ST3GAL3: variants seen among roughly 807,000 people sequenced by gnomAD.
ST3GAL3 encodes CMP-N-acetylneuraminate-beta-1,4-galactoside alpha-2,3-sialyltransferase.
A neutral mutation model predicts 50.1 loss-of-function variants in ST3GAL3; 21 were observed. The observed-to-expected ratio is 0.42, with a 90% CI of 0.30 to 0.60. The LOEUF (loss-of-function observed/expected upper bound fraction) is 0.60, where lower values mean the gene tolerates loss of function less well. Ranked by LOEUF, ST3GAL3 falls within the 20% of genes least tolerant of loss-of-function variation. ST3GAL3 has a pLI of 0.19. For missense variants in ST3GAL3, 353 were observed against 489.4 expected (o/e 0.72, Z 2.63); for synonymous variants, 183 against 190.0 (o/e 0.96, Z 0.30).
chr1:43,921,617 A>G, intron 11 of ST3GAL3: 2 of 399,226 alleles, frequency 5.0e-6, no homozygotes, highest in Non-Finnish European at 8.8e-6. Flanking sequence ...GGAACCTCCC[A>G]TCTGTGCAGA....
intron 5 of ST3GAL3, among the ~76,000 whole-genome samples, chr1:43,845,202 C>T (rs1399287115): frequency 6.6e-6 from 1 of 152,084 alleles, no homozygotes; most frequent in Non-Finnish European, 1.5e-5. Flanking sequence ...AGGCTGGTCT[C>T]GAACTCCTGG....
At chr1:43,920,019 G>T (rs2082751111) in intron 9 of ST3GAL3, 2 of 354,700 alleles carry the variant, frequency 5.6e-6, no homozygotes, top group Admixed American at 4.0e-5. Flanking sequence ...GAGAGGGCAG[G>T]CACCTCCCAG....
At chr1:43,754,497 A>G (rs1242914580) in intron 2 of ST3GAL3, among the ~76,000 whole-genome samples, 1 of 152,164 alleles carries the variant, frequency 6.6e-6, no homozygotes, top group Non-Finnish European at 1.5e-5. Flanking sequence ...AGCATCATGT[A>G]TAATAGGAAT....
At chr1:43,764,968 G>A (rs1218567212) in intron 2 of ST3GAL3, among the ~76,000 whole-genome samples, 1 of 152,184 alleles carries the variant, frequency 6.6e-6, no homozygotes, top group African/African-American at 2.4e-5. Context: ...AGACAGAATT[G>A]CTTTGAAGCA....
At chr1:43,858,990 T>G (rs151138722) in intron 5 of ST3GAL3, among the ~76,000 whole-genome samples, 31 of 152,312 alleles carry the variant, frequency 2.0e-4, no homozygotes, top group Admixed American at 1.8e-3. Context: ...GCCACGGCCC[T>G]ACTCAGGGAG....
At position 43,930,523 on chromosome 1, in the gene ST3GAL3, A is replaced by T. The variant is rs888316470; in HGVS notation, c.*302A>T. 1.5e-5 allele frequency: 8 copies of T among 519,658 alleles called. No homozygotes were observed. Among genetic ancestry groups the T allele is most frequent in the South Asian group, 1.0e-4 (5 of 48,752 alleles). 32.2% of individuals were successfully genotyped at this position (519,658 alleles called of 1,614,324 possible). A position where few individuals can be genotyped will look rare whatever the true frequency, so the allele number is the denominator to read the frequency against. ...AGGCTGCTGCCGGAATCACTTCTCC[A>T]ATCAGTGTTTGGTGTATTATCATTT... is the stretch of plus-strand genomic sequence containing the variant. On this transcript the variant is annotated 3_prime_UTR_variant, in exon 12 of 12. Coordinates refer to ENST00000347631, the MANE Select transcript of ST3GAL3 (RefSeq NM_006279.5).
intron 9 of ST3GAL3, among the ~76,000 whole-genome samples, chr1:43,904,937 TTC>T (rs2078978197): frequency 2.2e-3 from 1 of 454 alleles, no homozygotes; most frequent in South Asian, 0.1. Context: ...CTTCCTCCCC[TTC>T]CTCCTTTCTG....
At chr1:43,709,737 C>T (rs1350847970) in intron 1 of ST3GAL3, among the ~76,000 whole-genome samples, 1 of 152,034 alleles carries the variant, frequency 6.6e-6, no homozygotes, top group East Asian at 1.9e-4. Context: ...ATCCCAGCTG[C>T]TCGGGAGGCT....
At chr1:43,710,110 C>T (rs1663884450) in intron 1 of ST3GAL3, among the ~76,000 whole-genome samples, 1 of 152,004 alleles carries the variant, frequency 6.6e-6, no homozygotes, top group South Asian at 2.1e-4. Context: ...GAGTCAGAGC[C>T]TCCCTCTGTT....
At chr1:43,897,522 G>T (rs1163126653) in intron 6 of ST3GAL3, among the ~76,000 whole-genome samples, 2 of 152,204 alleles carry the variant, frequency 1.3e-5, no homozygotes, top group Admixed American at 6.5e-5. Context: ...GAGTTTGGAA[G>T]AGCAGTCCTT....
chr1:43,870,787 G>A (rs1029526394), intron 5 of ST3GAL3, among the ~76,000 whole-genome samples: 2 of 152,154 alleles, frequency 1.3e-5, no homozygotes, highest in Admixed American at 6.5e-5. Flanking sequence ...TGAAGTGGGT[G>A]TCTGCAGAGA....
chr1:43,782,055 G>A (rs1699546832), intron 2 of ST3GAL3, among the ~76,000 whole-genome samples: 1 of 152,036 alleles, frequency 6.6e-6, no homozygotes, highest in South Asian at 2.1e-4. Context: ...CCATTCTCAC[G>A]GAGTTAACTG....
chr1:43,712,307 T>C (rs1329068757), intron 1 of ST3GAL3, among the ~76,000 whole-genome samples: 2 of 152,242 alleles, frequency 1.3e-5, no homozygotes, highest in African/African-American at 4.8e-5. Context: ...AGGGTTCCCC[T>C]GGATTTCCCC....
chr1:43,810,707 G>A (rs1419551643), intron 3 of ST3GAL3, among the ~76,000 whole-genome samples: 1 of 152,034 alleles, frequency 6.6e-6, no homozygotes, highest in East Asian at 1.9e-4. Flanking sequence ...TACAAGCTCC[G>A]CCAGCCCTAG....
intron 5 of ST3GAL3, among the ~76,000 whole-genome samples, chr1:43,890,052 G>C (rs890506552): frequency 2.0e-5 from 3 of 152,140 alleles, no homozygotes; most frequent in African/African-American, 7.2e-5. Flanking sequence ...AGAGTTTGAG[G>C]TTGTAGTAAA....
At chr1:43,927,582 C>G (rs1047627642) in intron 11 of ST3GAL3, among the ~76,000 whole-genome samples, 1 of 152,150 alleles carries the variant, frequency 6.6e-6, no homozygotes, top group African/African-American at 2.4e-5. Context: ...GTTTCCACAT[C>G]TGCTTGAATC....
intron 5 of ST3GAL3, among the ~76,000 whole-genome samples, chr1:43,874,704 A>G (rs1464000240): frequency 6.6e-6 from 1 of 152,252 alleles, no homozygotes; most frequent in Non-Finnish European, 1.5e-5. Context: ...CAGTTCAAAC[A>G]TAAAGTAGAG....
chr1:43,864,066 G>C (rs916575713), intron 5 of ST3GAL3, among the ~76,000 whole-genome samples: 2 of 151,900 alleles, frequency 1.3e-5, no homozygotes, highest in South Asian at 4.1e-4. Context: ...ATCACCTGAG[G>C]TCAGGAGTTC....
At chr1:43,826,237 G>A (rs939527041) in intron 4 of ST3GAL3, among the ~76,000 whole-genome samples, 4 of 152,204 alleles carry the variant, frequency 2.6e-5, no homozygotes, top group East Asian at 1.9e-4. Flanking sequence ...CAGCCTGGGC[G>A]ACAGAGTGAG....
Sources: gnomAD v4.1 joint callset for allele counts (sites outside exome capture counted in the v4.1 genomes callset) on GRCh38, gnomAD v4.1.1 for gene constraint, MANE v1.5 for transcripts, NCBI Gene and HGNC (gene_info 2026-07-23, HGNC 2026-07-21) for gene names.